PANK2: variants seen among roughly 807,000 people sequenced by gnomAD.
PANK2 encodes the protein pantothenate kinase 2.
In PANK2, 36 loss-of-function variants were observed where a neutral mutation model predicts 43.1. That is an observed-to-expected ratio of 0.84 (90% CI 0.64 to 1.10). The LOEUF is 1.10. Ranked by LOEUF, PANK2 falls within the 50% of genes least tolerant of loss-of-function variation. The probability of loss-of-function intolerance (pLI) is 0.00; values close to 1 mark genes in which losing one functional copy is unlikely to be tolerated. For synonymous variants in PANK2, 281 were observed against 238.2 expected (o/e 1.18, Z -1.66); for missense variants, 576 against 593.3 (o/e 0.97, Z 0.30).
At chr20:3,913,790 A>ATTTTT (rs57042549) in intron 4 of PANK2, among the ~76,000 whole-genome samples, 1 of 138,476 alleles carries the variant, frequency 7.2e-6, no homozygotes, top group African/African-American at 2.7e-5. Context: ...ATATATATAT[A>ATTTTT]TTTTTTTTTT....
At chr20:3,910,513 T>C in intron 2 of PANK2, 64 bp from the exon 3 acceptor site, 1 of 1,583,278 alleles carries the variant, frequency 6.3e-7, no homozygotes, top group Non-Finnish European at 8.7e-7. Context: ...GATGCCTTAT[T>C]GAATGGAATT....
intron 1 of PANK2, among the ~76,000 whole-genome samples, chr20:3,907,121 TGAGACAGAGCC>T (rs2090400178): frequency 6.7e-6 from 1 of 148,424 alleles, no homozygotes. Flanking sequence ...TTTTTTTTTT[TGAGACAGAGCC>T]TCACTCTGTC....
intron 3 of PANK2, among the ~76,000 whole-genome samples, chr20:3,911,088 A>G (rs1370458045): frequency 6.6e-6 from 1 of 152,226 alleles, no homozygotes; most frequent in Non-Finnish European, 1.5e-5. Context: ...CAGATAGTTT[A>G]TGGTGTGCAT....
intron 4 of PANK2, among the ~76,000 whole-genome samples, chr20:3,916,645 G>A (rs1321605465): frequency 6.6e-6 from 1 of 152,142 alleles, no homozygotes; most frequent in African/African-American, 2.4e-5. Context: ...GTGCCTTCCA[G>A]TGCATCTGAT....
Position 3,926,208 on chromosome 20 carries a change from A to G in PANK2, c.*2914A>G, listed in dbSNP as rs2090717650. The stretch of plus-strand genomic sequence containing the variant: ...TTGAGACTCCAAATAAGCACTGGGT[A>G]TTTGGGTTGGAGATACAGAGCTGAG... On this transcript the variant is annotated 3_prime_UTR_variant, in exon 7 of 7. Coordinates refer to ENST00000610179, the MANE Select transcript of PANK2 (RefSeq NM_001386393.1). 2.0e-5 allele frequency: 3 copies of G among 152,398 alleles called. No individual in the cohort carries two copies. The South Asian group carries it at 6.2e-4, about 32-fold the overall frequency. The allele number at this position is 152,398 out of a possible 1,614,324, so 9.4% of individuals were successfully genotyped here.
chr20:3,889,176 CT>C (rs764033238), upstream of PANK2: 2 of 1,608,686 alleles, frequency 1.2e-6, no homozygotes, highest in African/African-American at 2.7e-5. Context: ...GCTACACCGC[CT>C]TCTCTTCCTC....
intron 1 of PANK2, among the ~76,000 whole-genome samples, chr20:3,892,453 ATTG>A (rs1156378445): frequency 6.7e-6 from 1 of 149,886 alleles, no homozygotes. Flanking sequence ...TTTTTTATTT[ATTG>A]TTGGGAGGTT....
rs1193312764 is a variant in PANK2 at position 3,910,799 on chromosome 20, A to C, written c.874A>C (p.Lys292Gln). The change falls in exon 3 of 7, where the codon AAA (lysine) becomes CAA (glutamine). Residue 292 changes from lysine to glutamine, a missense_variant. Physicochemically the swap from Lys to Gln is moderately conservative, Grantham distance 53. Transcript: ENST00000610179. ...GGTTAGCATCTTAGCAGTATATTCC[A>C]AAGATAATTACAAACGGGTCACAGG... 1 of 1,614,086 alleles carries C rather than the reference A, an allele frequency of 6.2e-7. No individual in the cohort carries two copies. The highest frequency in any genetic ancestry group is 2.2e-5 in the East Asian group (1 of 44,888).
intron 1 of PANK2, 73 bp downstream of exon 1, chr20:3,889,801 C>G (rs2090086698): frequency 6.5e-7 from 1 of 1,547,310 alleles, no homozygotes; most frequent in Non-Finnish European, 8.7e-7. Flanking sequence ...CCTTCCGGCC[C>G]CGCCGCCGTT....
chr20:3,905,387 G>A (rs2090369036), intron 1 of PANK2, among the ~76,000 whole-genome samples: 1 of 134,250 alleles, frequency 7.4e-6, no homozygotes, highest in South Asian at 2.2e-4. Flanking sequence ...GTCTCGCTCT[G>A]TCACCTAGGC....
chr20:3,904,061 G>T (rs2090348296), intron 1 of PANK2, among the ~76,000 whole-genome samples: 1 of 151,960 alleles, frequency 6.6e-6, no homozygotes, highest in Non-Finnish European at 1.5e-5. Flanking sequence ...CTCCCAAAGT[G>T]CTGGGATTAC....
intron 1 of PANK2, among the ~76,000 whole-genome samples, chr20:3,890,595 C>T (rs2090106966): frequency 6.6e-6 from 1 of 152,172 alleles, no homozygotes; most frequent in Non-Finnish European, 1.5e-5. Flanking sequence ...TGCCATTTTA[C>T]ATATGGTTGG....
intron 1 of PANK2, among the ~76,000 whole-genome samples, chr20:3,905,717 CTT>C (rs377100642): frequency 1.8e-4 from 24 of 132,560 alleles, no homozygotes; most frequent in Admixed American, 4.7e-4. Context: ...AACCCACACC[CTT>C]TTTTTTTTTT....
intron 1 of PANK2, among the ~76,000 whole-genome samples, chr20:3,897,151 C>G (rs1022597058): frequency 6.6e-6 from 1 of 152,120 alleles, no homozygotes; most frequent in South Asian, 2.1e-4. Context: ...CTGTGTTGAT[C>G]GTTGCTGTGG....
rs573319215 is a variant in PANK2 at position 3,919,633 on chromosome 20, C to A, written c.1332+837C>A. ...CAACCTCATAGCCTGTCTTGGAAAG[C>A]ACTCTTATTTTTCCTATTTGGGGAA... is the stretch of plus-strand genomic sequence containing the variant. On this transcript the variant is annotated intron_variant, in intron 6 of 6. Coordinates refer to ENST00000610179, the MANE Select transcript of PANK2 (RefSeq NM_001386393.1). 2.0e-5 allele frequency among the ~76,000 whole-genome samples: 3 copies of A among 152,284 alleles called. No individual in the cohort carries two copies. In the South Asian group the frequency reaches 6.2e-4, roughly 32 times the overall value.
At chr20:3,910,206 G>A (rs1410693982) in intron 2 of PANK2, among the ~76,000 whole-genome samples, 4 of 152,028 alleles carry the variant, frequency 2.6e-5, no homozygotes, top group African/African-American at 9.7e-5. Flanking sequence ...GGTGGTTTCT[G>A]ATAGTGCTGT....
rs754523563 is a variant in PANK2, at chr20:3,889,414, C to G, written c.-17C>G. The G allele has an allele frequency of 1.9e-6, 3 of 1,570,714 alleles. No individual in the cohort carries two copies. Among genetic ancestry groups the G allele is most frequent in the African/African-American group, 2.7e-5 (2 of 74,146 alleles). On this transcript the variant is annotated 5_prime_UTR_variant, in exon 1 of 7. Transcript: ENST00000610179. ...TCTGGCTGGACTGCCGCGGAGGAGG[C>G]GAGAAGGAATCCGACGCTGGGGGGC...
rs1041268052 is a variant in PANK2 at position 3,927,671 on chromosome 20, C to G, written c.*4377C>G. ...AACACTCTAGGAAGACCAGCTGTCA[C>G]CAGAAGGGAGTTCCTAACACTTGCC... On this transcript the variant is annotated 3_prime_UTR_variant, in exon 7 of 7. Transcript: ENST00000610179. 6.6e-6 allele frequency: 1 copy of G among 152,182 alleles called. No homozygotes were observed. Among genetic ancestry groups the G allele is most frequent in the Non-Finnish European group, 1.5e-5 (1 of 68,046 alleles). The allele number at this position is 152,182 out of a possible 1,614,324, so 9.4% of individuals were successfully genotyped here.
intron 1 of PANK2, among the ~76,000 whole-genome samples, chr20:3,903,856 T>C (rs973367781): frequency 3.9e-5 from 6 of 152,012 alleles, no homozygotes; most frequent in Non-Finnish European, 8.8e-5. Context: ...CTCGAACTCC[T>C]GACCTTGTGA....
Sources: allele counts gnomAD v4.1 joint callset (sites outside exome capture counted in the v4.1 genomes callset), GRCh38; gene constraint gnomAD v4.1.1; transcripts MANE v1.5; gene names NCBI Gene and HGNC (gene_info 2026-07-23, HGNC 2026-07-21).